Variants in CDH18 observed in about 807,000 individuals in gnomAD.
CDH18 encodes the protein cadherin 18.
Under a neutral mutation model 67.9 loss-of-function variants are expected in CDH18, and 31 were observed. The ratio of observed to expected loss-of-function variants is 0.46; its 90% CI spans 0.34 to 0.62. The LOEUF is 0.62. Among genes scored for constraint, CDH18 ranks in the 20% least tolerant of loss-of-function variants. The pLI, the probability that CDH18 is intolerant of heterozygous loss-of-function variation, is 0.01. For missense variants in CDH18, 890 were observed against 975.5 expected, an observed-to-expected ratio of 0.91 and a Z score of 1.17; for synonymous variants, 362 against 347.2, an observed-to-expected ratio of 1.04 and a Z score of -0.48.
intron 2 of CDH18, among the ~76,000 whole-genome samples, chr5:20,248,157 GA>G (rs1207606739): frequency 6.6e-6 from 1 of 152,134 alleles, no homozygotes; most frequent in African/African-American, 2.4e-5. Flanking sequence ...AGAAATTGAA[GA>G]TTTTGTTAAG....
chr5:20,481,547 G>A (rs1007953607), intron 1 of CDH18, among the ~76,000 whole-genome samples: 1 of 152,056 alleles, frequency 6.6e-6, no homozygotes, highest in South Asian at 2.1e-4. Flanking sequence ...TATTCTCAAG[G>A]ATAGACCATA....
intron 3 of CDH18, among the ~76,000 whole-genome samples, chr5:19,783,552 A>G (rs895680240): frequency 1.3e-5 from 2 of 152,310 alleles, no homozygotes; most frequent in Admixed American, 6.5e-5. Context: ...AACTTATTTC[A>G]ACCAGGAATT....
chr5:20,368,922 CTT>C (rs147929951), intron 1 of CDH18, among the ~76,000 whole-genome samples: 6 of 152,294 alleles, frequency 3.9e-5, no homozygotes, highest in East Asian at 1.9e-4. Context: ...ATTTATGACT[CTT>C]TGAATTTTCA....
intron 1 of CDH18, among the ~76,000 whole-genome samples, chr5:20,326,537 C>CTT (rs372636215): frequency 2.5e-4 from 34 of 134,116 alleles, no homozygotes; most frequent in East Asian, 6.3e-4. Flanking sequence ...AACATATTTA[C>CTT]TTTTTTTTTT....
At chr5:19,917,385 G>A (rs1791941266) in intron 2 of CDH18, among the ~76,000 whole-genome samples, 1 of 148,750 alleles carries the variant, frequency 6.7e-6, no homozygotes, top group African/African-American at 2.5e-5. Flanking sequence ...AGGTTTTAGA[G>A]TCATATTTGC....
intron 7 of CDH18, among the ~76,000 whole-genome samples, chr5:19,572,652 C>T (rs1741637876): frequency 6.6e-6 from 1 of 152,128 alleles, no homozygotes; most frequent in South Asian, 2.1e-4. Context: ...AACAGAGAAA[C>T]CATCTCTCCC....
intron 3 of CDH18, among the ~76,000 whole-genome samples, chr5:19,814,356 C>A (rs1176075915): frequency 6.7e-6 from 1 of 149,882 alleles, no homozygotes; most frequent in African/African-American, 2.5e-5. Flanking sequence ...GAATTATGTC[C>A]TAAAAAAAAA....
intron 3 of CDH18, among the ~76,000 whole-genome samples, chr5:19,799,519 C>T (rs541701950): frequency 1.2e-4 from 18 of 151,462 alleles, no homozygotes; most frequent in Non-Finnish European, 2.4e-4. Flanking sequence ...TGTTTAGTAA[C>T]TTGATTGCTG....
chr5:19,486,562 C>CA (rs1338736872), intron 11 of CDH18, among the ~76,000 whole-genome samples: 4 of 151,998 alleles, frequency 2.6e-5, no homozygotes, highest in Non-Finnish European at 4.4e-5. Flanking sequence ...GAGGCCAAGG[C>CA]GGGTGGATCA....
intron 1 of CDH18, chr5:20,305,500 C>T: frequency 9.8e-6 from 11 of 1,121,156 alleles, no homozygotes; most frequent in Non-Finnish European, 1.5e-5. Context: ...TCTTGGGTGC[C>T]GCGAAACCCG....
intron 1 of CDH18, among the ~76,000 whole-genome samples, chr5:20,431,268 A>T (rs947873984): frequency 6.6e-6 from 1 of 152,082 alleles, no homozygotes; most frequent in African/African-American, 2.4e-5. Context: ...TGATGTGCAG[A>T]TCACTTGAGG....
chr5:20,321,930 C>T lies in CDH18; in HGVS notation c.-579-66425G>A, dbSNP rs572157534. 4.6e-5 allele frequency among the ~76,000 whole-genome samples: 7 copies of T among 152,130 alleles called. No homozygotes were observed. In the East Asian group the frequency reaches 1.2e-3, roughly 25 times the overall value. On this transcript the variant is annotated intron_variant, in intron 1 of 14. Coordinates refer to the CDH18 transcript ENST00000507958. ...AATCCTTCAGTTTTTACAAATTTGC[C>T]CAAAGCCTACTTTTTCATATATTTA...
intron 1 of CDH18, among the ~76,000 whole-genome samples, chr5:20,266,255 G>A (rs1029298647): frequency 1.7e-5 from 2 of 114,692 alleles, no homozygotes; most frequent in Non-Finnish European, 3.7e-5. Flanking sequence ...TTTCTTTGAA[G>A]AACCCTGACA....
intron 5 of CDH18, among the ~76,000 whole-genome samples, chr5:19,682,525 C>G (rs1405383214): frequency 1.3e-5 from 2 of 151,962 alleles, no homozygotes; most frequent in Non-Finnish European, 2.9e-5. Flanking sequence ...TGGGCTGAGT[C>G]CTCTCTCTTC....
At chr5:20,306,614 T>C (rs1701005356) in intron 1 of CDH18, among the ~76,000 whole-genome samples, 1 of 152,206 alleles carries the variant, frequency 6.6e-6, no homozygotes. Flanking sequence ...TTTTATTAAA[T>C]CAAATGTAAT....
intron 4 of CDH18, among the ~76,000 whole-genome samples, chr5:19,726,426 C>A (rs776104510): frequency 6.6e-6 from 1 of 152,158 alleles, no homozygotes; most frequent in Non-Finnish European, 1.5e-5. Flanking sequence ...GTGTACTGTA[C>A]TTCGGTAGTG....
intron 2 of CDH18, among the ~76,000 whole-genome samples, chr5:20,219,924 G>C (rs1741089936): frequency 6.6e-6 from 1 of 151,768 alleles, no homozygotes; most frequent in African/African-American, 2.4e-5. Flanking sequence ...AACCAAAGAA[G>C]GGAAGATCTC....
At chr5:19,544,512 C>T (rs16885834) in intron 8 of CDH18, among the ~76,000 whole-genome samples, 2,555 of 151,968 alleles carry the variant, frequency 0.017, 67 homozygotes, top group East Asian at 0.098. Context: ...CACAGTTCAA[C>T]TAAACCCTTG....
chr5:20,081,725 C>T (rs116120327), intron 2 of CDH18, among the ~76,000 whole-genome samples: 3,023 of 152,132 alleles, frequency 0.02, 100 homozygotes, highest in African/African-American at 0.066. Context: ...TTCTCACTTA[C>T]AAGTGGGAGC....
Sources: allele counts gnomAD v4.1 joint callset (sites outside exome capture counted in the v4.1 genomes callset), GRCh38; gene constraint gnomAD v4.1.1; transcripts MANE v1.5; gene names NCBI Gene and HGNC (gene_info 2026-07-23, HGNC 2026-07-21).